Variants in ATP2C2 observed in about 807,000 individuals in gnomAD.
The protein encoded by ATP2C2 is calcium-transporting ATPase type 2C member 2.
In ATP2C2, 171 loss-of-function variants were observed where a neutral mutation model predicts 110.8. That is an observed-to-expected ratio of 1.54 (90% CI 1.36 to 1.75). The LOEUF (loss-of-function observed/expected upper bound fraction) is 1.75. Ranked by LOEUF, ATP2C2 falls within the 40% of genes most tolerant of loss-of-function variation. ATP2C2 has a pLI of 0.00. For synonymous variants in ATP2C2, 804 were observed against 508.4 expected, an observed-to-expected ratio of 1.58 and a Z score of -7.82; for missense variants, 1,963 against 1,235.0, an observed-to-expected ratio of 1.59 and a Z score of -8.84.
chr16:84,431,511 G>A (rs1908275535), intron 11 of ATP2C2, among the ~76,000 whole-genome samples: 1 of 152,012 alleles, frequency 6.6e-6, no homozygotes, highest in Admixed American at 6.6e-5. Context: ...GAAAAAAAGG[G>A]AGGTAGAAGG....
At chr16:84,415,943 A>G (rs1389534227) in intron 7 of ATP2C2, among the ~76,000 whole-genome samples, 2 of 151,810 alleles carry the variant, frequency 1.3e-5, no homozygotes, top group Non-Finnish European at 2.9e-5. Context: ...AAGTGATATT[A>G]GAGGCGGGTG....
At chr16:84,378,049 G>C (rs1209443315) in intron 1 of ATP2C2, among the ~76,000 whole-genome samples, 1 of 152,220 alleles carries the variant, frequency 6.6e-6, no homozygotes. Context: ...AACAGAGACA[G>C]GGAAGAGAGG....
At position 84,461,715 on chromosome 16, in the gene ATP2C2, T is replaced by G. The variant is rs1196888980; in HGVS notation, c.2483T>G (p.Met828Arg). 1.9e-6 allele frequency: 3 copies of G among 1,613,796 alleles called. No individual in the cohort carries two copies. Among genetic ancestry groups the G allele is most frequent in the South Asian group, 1.1e-5 (1 of 91,080 alleles). ...CTCACCTTTGTGCTCACCTTCCAGATGCCTGAAGACAGAGCAAGCACTCCC... is the reference window on the plus strand; with the variant it reads ...CTCACCTTTGTGCTCACCTTCCAGAGGCCTGAAGACAGAGCAAGCACTCCC... ...SGTLFIFWKE[M>R]PEDRASTPRT... is the part of the protein sequence containing the mutation. The change falls in exon 25 of 27, where the codon ATG becomes AGG. Residue 828 changes from methionine (M) to arginine (R), a missense_variant and splice_region_variant. Physicochemically the swap from Met to Arg is moderately conservative, Grantham distance 91. Transcript: ENST00000262429.
intron 7 of ATP2C2, among the ~76,000 whole-genome samples, chr16:84,420,281 G>GTA (rs1350452173): frequency 6.6e-6 from 1 of 152,022 alleles, no homozygotes; most frequent in Admixed American, 6.6e-5. Flanking sequence ...ATTCACTGCG[G>GTA]TATTCCCAGT....
chr16:84,447,936 C>A (rs992888552), intron 16 of ATP2C2, among the ~76,000 whole-genome samples: 3 of 151,366 alleles, frequency 2.0e-5, no homozygotes, highest in Admixed American at 2.0e-4. Context: ...GTTACATTCA[C>A]ACTGTGCACC....
chr16:84,430,915 C>G (rs35813774), intron 11 of ATP2C2, among the ~76,000 whole-genome samples: 55,715 of 151,856 alleles, frequency 0.37, 10,379 homozygotes, highest in South Asian at 0.39. Context: ...ACCCCCCCAC[C>G]TCAGCAGGAT....
At chr16:84,461,105 C>T (rs1911286240) in intron 24 of ATP2C2, 3 of 383,718 alleles carry the variant, frequency 7.8e-6, no homozygotes, top group South Asian at 4.6e-5. Flanking sequence ...CCCTTGTCAC[C>T]AGGAAACAAT....
At chr16:84,390,926 C>T (rs907181306) in intron 1 of ATP2C2, among the ~76,000 whole-genome samples, 1 of 151,928 alleles carries the variant, frequency 6.6e-6, no homozygotes, top group Non-Finnish European at 1.5e-5. Context: ...CCAGCCCGGC[C>T]AACATGTTCA....
intron 7 of ATP2C2, among the ~76,000 whole-genome samples, chr16:84,420,267 C>T (rs1228429848): frequency 6.6e-6 from 1 of 152,098 alleles, no homozygotes; most frequent in Admixed American, 6.5e-5. Context: ...AGAAATTGTA[C>T]CCCATTCACT....
chr16:84,393,552 A>G (rs893089066), intron 1 of ATP2C2, among the ~76,000 whole-genome samples: 1 of 152,214 alleles, frequency 6.6e-6, no homozygotes, highest in Admixed American at 6.5e-5. Context: ...AGATAGAGAC[A>G]GCAAGTATAG....
chr16:84,445,138 C>T lies in ATP2C2; in HGVS notation c.1402-1191C>T, dbSNP rs917426243. 3.3e-5 allele frequency among the ~76,000 whole-genome samples: 5 copies of T among 152,134 alleles called. No homozygotes were observed. The South Asian group carries it at 8.3e-4, about 25-fold the overall frequency. The stretch of plus-strand genomic sequence containing the variant: ...CCTTGACTCGCAGACGCATCCCTGC[C>T]TTGGTCTCTCACACCAAGCTCTGTC... On this transcript the variant is annotated intron_variant, in intron 15 of 26. Transcript: ENST00000262429.
chr16:84,413,098 C>CAAAA (rs35993245), intron 6 of ATP2C2, among the ~76,000 whole-genome samples: 1 of 129,980 alleles, frequency 7.7e-6, no homozygotes. Context: ...AACTCTGTCT[C>CAAAA]AAAAAAAAAA....
intron 6 of ATP2C2, 57 bp downstream of exon 6, chr16:84,410,822 G>A (rs930766553): frequency 7.2e-6 from 11 of 1,531,934 alleles, no homozygotes; most frequent in Non-Finnish European, 9.0e-6. Flanking sequence ...GGGAGCTGGA[G>A]AGTTTGGCAA....
Position 84,405,202 on chromosome 16 carries a change from T to G in ATP2C2, c.285T>G (p.Val95=), listed in dbSNP as rs751598235. 1.9e-5 allele frequency: 31 copies of G among 1,614,138 alleles called. No individual in the cohort carries two copies. The highest frequency in any genetic ancestry group is 2.5e-5 in the Non-Finnish European group (30 of 1,180,030). Residue 95 remains valine, a synonymous_variant, in exon 3 of 27, where the codon GTT becomes GTG. Coordinates refer to ENST00000262429, the MANE Select transcript of ATP2C2 (RefSeq NM_014861.4). The part of the protein sequence containing the change: ...RRLAHGWNEF[V]ADNSEPVWKK... ...TGGCCCATGGCTGGAATGAGTTTGTTGCTGACAACAGCGAACCTGTGTGGA... is the reference window on the plus strand; with the variant it reads ...TGGCCCATGGCTGGAATGAGTTTGTGGCTGACAACAGCGAACCTGTGTGGA...
intron 11 of ATP2C2, among the ~76,000 whole-genome samples, chr16:84,434,890 C>T (rs1212128057): frequency 6.6e-6 from 1 of 152,192 alleles, no homozygotes; most frequent in Non-Finnish European, 1.5e-5. Context: ...CAAAGATGCC[C>T]TTCCCCTGCC....
chr16:84,368,610 C>T lies in ATP2C2; in HGVS notation c.-6C>T, dbSNP rs373170290. The T allele has an allele frequency of 6.4e-6, 10 of 1,551,672 alleles. No individual in the cohort carries two copies. Among genetic ancestry groups the T allele is most frequent in the East Asian group, 5.0e-5 (2 of 39,620 alleles). On this transcript the variant is annotated 5_prime_UTR_variant, in exon 1 of 27. Transcript: ENST00000262429. ...GGGACGCAGGCAACGCCTGCGCCCG[C>T]TCACCATGGTCGAGGGACGCGTCTC...
chr16:84,405,137 C>A lies in ATP2C2; in HGVS notation c.220C>A (p.His74Asn). ...DLARAFCVDL[H>N]TGLSEFSVTQ... Reference sequence around the variant, plus strand: ...TGACCTCTCCTTCCAGGTGGACTTACACACTGGGCTGTCGGAGTTCTCGGT... The same window carrying A: ...TGACCTCTCCTTCCAGGTGGACTTAAACACTGGGCTGTCGGAGTTCTCGGT... Residue 74 changes from histidine to asparagine, a missense_variant, in exon 3 of 27, where the codon CAC becomes AAC. By Grantham distance (68) the His-to-Asn change is moderately conservative (BLOSUM62 1). Transcript: ENST00000262429. 3 of 1,613,832 alleles carry A rather than the reference C, an allele frequency of 1.9e-6. No homozygotes were observed. The highest frequency in any genetic ancestry group is 2.5e-6 in the Non-Finnish European group (3 of 1,179,952).
chr16:84,447,678 C>CATATATTATTTAATAAATATTATGTAAT (rs1909871896), intron 16 of ATP2C2, among the ~76,000 whole-genome samples: 1 of 141,906 alleles, frequency 7.0e-6, no homozygotes, highest in African/African-American at 2.7e-5. Context: ...ACATATATTA[C>CATATATTATTTAATAAATATTATGTAAT]ATATATTATT....
intron 11 of ATP2C2, among the ~76,000 whole-genome samples, chr16:84,430,533 G>T (rs928860383): frequency 5.3e-5 from 8 of 151,952 alleles, no homozygotes; most frequent in Non-Finnish European, 1.0e-4. Context: ...CCCAGCTACT[G>T]GGGGGCAGAG....
Sources: gnomAD v4.1 joint callset for allele counts (sites outside exome capture counted in the v4.1 genomes callset) on GRCh38, gnomAD v4.1.1 for gene constraint, MANE v1.5 for transcripts, NCBI Gene and HGNC (gene_info 2026-07-23, HGNC 2026-07-21) for gene names.